The following ADAMTSL1 variants were observed in gnomAD, a reference collection of about 807,000 sequenced individuals.
The protein encoded by ADAMTSL1 is ADAMTS like 1.
ADAMTSL1 carries 126 observed loss-of-function variants against 201.8 expected under a neutral mutation model. That is an observed-to-expected ratio of 0.62 (90% CI 0.54 to 0.72). ADAMTSL1 has a LOEUF of 0.72. ADAMTSL1 is among the 30% of genes least tolerant of loss of function. ADAMTSL1 has a pLI of 0.00. For missense variants in ADAMTSL1, 2,679 were observed against 2,277.8 expected, an observed-to-expected ratio of 1.18 and a Z score of -3.59; for synonymous variants, 1,121 against 903.4, an observed-to-expected ratio of 1.24 and a Z score of -4.32.
intron 1 of ADAMTSL1, among the ~76,000 whole-genome samples, chr9:18,122,432 C>T (rs1418225737): frequency 6.6e-6 from 1 of 152,042 alleles, no homozygotes; most frequent in Non-Finnish European, 1.5e-5. Context: ...AAGATCAGGG[C>T]CCAGGACTTT....
intron 2 of ADAMTSL1, among the ~76,000 whole-genome samples, chr9:18,426,205 A>G (rs564135006): frequency 6.6e-6 from 1 of 152,220 alleles, no homozygotes; most frequent in South Asian, 2.1e-4. Flanking sequence ...AGGAGGGAGA[A>G]TCCCTGCCTA....
At chr9:18,169,743 C>A (rs981863635) in intron 2 of ADAMTSL1, among the ~76,000 whole-genome samples, 1 of 152,094 alleles carries the variant, frequency 6.6e-6, no homozygotes, top group African/African-American at 2.4e-5. Flanking sequence ...GATATTGATT[C>A]TTCCTACCCA....
At chr9:18,874,734 C>G (rs552997368) in intron 23 of ADAMTSL1, among the ~76,000 whole-genome samples, 35 of 151,142 alleles carry the variant, frequency 2.3e-4, no homozygotes, top group African/African-American at 8.0e-4. Context: ...GGTCTGTTTG[C>G]TTTATGTCCT....
At chr9:18,262,569 C>A (rs1300649630) in intron 2 of ADAMTSL1, among the ~76,000 whole-genome samples, 1 of 152,086 alleles carries the variant, frequency 6.6e-6, no homozygotes, top group African/African-American at 2.4e-5. Context: ...AATATGGGAG[C>A]TTCTTGCAGG....
intron 23 of ADAMTSL1, among the ~76,000 whole-genome samples, chr9:18,837,681 T>G (rs1825403174): frequency 6.6e-6 from 1 of 152,172 alleles, no homozygotes; most frequent in African/African-American, 2.4e-5. Flanking sequence ...ATAAGTACAG[T>G]TTTACTGTAA....
rs546297557 is a variant in ADAMTSL1 at position 18,148,262 on chromosome 9, T to C, written c.88-15600T>C. Among the ~76,000 whole-genome samples the C allele has an allele frequency of 2.7e-4, 41 of 151,496 alleles. No individual in the cohort carries two copies. The Middle Eastern group carries it at 0.01, about 38-fold the overall frequency. ...TTCATGTCTACATAGTATAAACAAA[T>C]GGAACATCCTATTTTCAGTTTGAGT... On this transcript the variant is annotated intron_variant, in intron 1 of 29. Coordinates refer to the ADAMTSL1 transcript ENST00000680146.
chr9:17,959,704 C>G (rs1817656636), intron 1 of ADAMTSL1, among the ~76,000 whole-genome samples: 1 of 152,156 alleles, frequency 6.6e-6, no homozygotes, highest in Admixed American at 6.5e-5. Context: ...GATCCACCCA[C>G]CTTGGTCTCC....
In ADAMTSL1 at chr9:18,655,806, T is replaced by TAAAAAAAA. The variant is rs56662538; in HGVS notation, c.835-1809_835-1802dup. Among the ~76,000 whole-genome samples the TAAAAAAAA allele has an allele frequency of 7.8e-3, 636 of 81,822 alleles. 44 individuals carry two copies. The highest frequency in any genetic ancestry group is 0.025 in the African/African-American group (372 of 15,096). The allele number at this position is 81,822 out of a possible 152,430, so 53.7% of individuals were successfully genotyped here. A position where few individuals can be genotyped will look rare whatever the true frequency, so the allele number is the denominator to read the frequency against. ...AGAGAGCTAGAGGCTTTTGTGAGCT[T>TAAAAAAAA]AAAAAAAAAAAAAAAAAAAAAAAAA... is the stretch of plus-strand genomic sequence containing the variant. On this transcript the variant is annotated intron_variant, in intron 7 of 28. Coordinates refer to ENST00000380548, the MANE Select transcript of ADAMTSL1 (RefSeq NM_001040272.6).
At chr9:18,314,063 A>G (rs1834262725) in intron 2 of ADAMTSL1, among the ~76,000 whole-genome samples, 1 of 152,188 alleles carries the variant, frequency 6.6e-6, no homozygotes, top group Non-Finnish European at 1.5e-5. Flanking sequence ...TAAAAACGCC[A>G]ACAGGTATGT....
intron 15 of ADAMTSL1, among the ~76,000 whole-genome samples, chr9:18,741,840 G>T (rs1031821111): frequency 6.6e-6 from 1 of 152,008 alleles, no homozygotes; most frequent in Admixed American, 6.5e-5. Flanking sequence ...CTTTTCTTGT[G>T]TAGGGTGTTC....
chr9:18,876,438 G>T (rs1390694178), intron 23 of ADAMTSL1, among the ~76,000 whole-genome samples: 1 of 152,068 alleles, frequency 6.6e-6, no homozygotes, highest in South Asian at 2.1e-4. Context: ...AGTTCTTGCA[G>T]TGCCGACTTG....
At chr9:18,118,018 C>T (rs545347913) in intron 1 of ADAMTSL1, among the ~76,000 whole-genome samples, 13 of 152,212 alleles carry the variant, frequency 8.5e-5, no homozygotes, top group South Asian at 6.2e-4. Flanking sequence ...TAGCATGCAC[C>T]ATTGCAATTA....
chr9:18,812,638 T>G (rs973307209), intron 20 of ADAMTSL1, among the ~76,000 whole-genome samples: 4 of 152,234 alleles, frequency 2.6e-5, no homozygotes, highest in Admixed American at 6.5e-5. Flanking sequence ...CATGAAGTGT[T>G]TCCTCTATGT....
At chr9:18,359,834 C>CCCCA (rs1563911507) in intron 2 of ADAMTSL1, among the ~76,000 whole-genome samples, 1 of 116,920 alleles carries the variant, frequency 8.6e-6, no homozygotes, top group Non-Finnish European at 1.8e-5. Flanking sequence ...CCCGCCCCCC[C>CCCCA]GCCCACACAA....
At chr9:17,951,018 G>A (rs1827709816) in intron 1 of ADAMTSL1, among the ~76,000 whole-genome samples, 1 of 152,110 alleles carries the variant, frequency 6.6e-6, no homozygotes, top group African/African-American at 2.4e-5. Context: ...TCTTCATAAA[G>A]TTGCAGCCCC....
At chr9:18,740,072 G>A (rs966739702) in intron 15 of ADAMTSL1, among the ~76,000 whole-genome samples, 2 of 152,120 alleles carry the variant, frequency 1.3e-5, no homozygotes, top group Non-Finnish European at 2.9e-5. Flanking sequence ...GCATTCCTCT[G>A]CCAAGCCAGG....
At chr9:18,450,324 A>C (rs1176577959) in intron 2 of ADAMTSL1, among the ~76,000 whole-genome samples, 4 of 152,176 alleles carry the variant, frequency 2.6e-5, no homozygotes, top group Non-Finnish European at 2.9e-5. Flanking sequence ...TTGAATGCCC[A>C]AAATGGGTAG....
rs372674195 is a variant in ADAMTSL1, at chr9:18,088,322, T to G, written c.88-75540T>G. Among the ~76,000 whole-genome samples the G allele has an allele frequency of 1.5e-3, 234 of 152,308 alleles. 8 individuals carry two copies. In the South Asian group the frequency reaches 0.048, roughly 31 times the overall value. ...AAGAAAACATAGAGGAAAGTCTTCA[T>G]AACATTAGTTTTGGCAGTGACTTCA... On this transcript the variant is annotated intron_variant, in intron 1 of 29. Coordinates refer to the ADAMTSL1 transcript ENST00000680146.
At chr9:18,379,510 C>T (rs939883259) in intron 2 of ADAMTSL1, among the ~76,000 whole-genome samples, 2 of 152,130 alleles carry the variant, frequency 1.3e-5, no homozygotes, top group African/African-American at 2.4e-5. Context: ...CTGCCAGATT[C>T]ATGAATTACA....
Sources: allele counts gnomAD v4.1 joint callset (sites outside exome capture counted in the v4.1 genomes callset), GRCh38; gene constraint gnomAD v4.1.1; transcripts MANE v1.5; gene names NCBI Gene and HGNC (gene_info 2026-07-23, HGNC 2026-07-21).